LAMB1: variants seen among roughly 807,000 people sequenced by gnomAD.
LAMB1 encodes the protein laminin subunit beta 1.
In LAMB1, 121 loss-of-function variants were observed where a neutral mutation model predicts 222.3. The ratio of observed to expected loss-of-function variants is 0.54; its 90% confidence interval spans 0.47 to 0.63. LAMB1 has a LOEUF of 0.63. Among genes scored for constraint, LAMB1 ranks in the 30% least tolerant of loss-of-function variants. The pLI, the probability that LAMB1 is intolerant of heterozygous loss-of-function variation, is 0.00. For missense variants in LAMB1, 2,172 were observed against 2,240.8 expected (o/e 0.97, Z 0.62); for synonymous variants, 794 against 807.2 (o/e 0.98, Z 0.28).
At chr7:107,973,698 T>G (rs184822697) in intron 12 of LAMB1, among the ~76,000 whole-genome samples, 1 of 152,136 alleles carries the variant, frequency 6.6e-6, no homozygotes. Context: ...CAGGCTGGAG[T>G]GCAGTGGTGT....
chr7:107,960,561 G>T lies in LAMB1; in HGVS notation c.2198C>A (p.Thr733Asn). The T allele has an allele frequency of 6.2e-7, 1 of 1,614,146 alleles. No homozygotes were observed. Among genetic ancestry groups the T allele is most frequent in the Non-Finnish European group, 8.5e-7 (1 of 1,179,962 alleles). Residue 733 changes from threonine (T) to asparagine (N), a missense_variant, in exon 18 of 34, where the codon ACC (threonine) becomes AAC (asparagine). Coordinates refer to ENST00000222399, the MANE Select transcript of LAMB1 (RefSeq NM_002291.3). The part of the protein sequence containing the change: ...DGVVTNSAWE[T>N]FQRYRCLENS... ...CTCTAGACATCGGTATCTCTGAAAG[G>T]TTTCCCAGGCACTGTTGGTGACCAC...
At chr7:107,989,795 C>T (rs1202319044) in intron 5 of LAMB1, among the ~76,000 whole-genome samples, 1 of 152,192 alleles carries the variant, frequency 6.6e-6, no homozygotes, top group South Asian at 2.1e-4. Flanking sequence ...CCATTTCTGG[C>T]TGTGCTTCCT....
intron 25 of LAMB1, among the ~76,000 whole-genome samples, chr7:107,937,989 C>T (rs1310219240): frequency 6.6e-6 from 1 of 152,048 alleles, no homozygotes; most frequent in African/African-American, 2.4e-5. Context: ...TTATTGTGTA[C>T]ATAGTGTGGA....
At chr7:108,002,790 G>C in intron 2 of LAMB1, 59 bp downstream of exon 2, 1 of 1,611,434 alleles carries the variant, frequency 6.2e-7, no homozygotes, top group Non-Finnish European at 8.5e-7. Flanking sequence ...GCAGCTTTTG[G>C]GTTTTCCTTC....
intron 18 of LAMB1, 22 bp downstream of exon 18, chr7:107,960,423 G>A (rs2033472463): frequency 1.3e-6 from 2 of 1,592,030 alleles, no homozygotes; most frequent in Admixed American, 1.7e-5. Flanking sequence ...AGCAGCTGCT[G>A]CAGCTGCCCA....
chr7:107,954,939 C>A lies in LAMB1; in HGVS notation c.2854+528G>T, dbSNP rs183712295. 1.2e-3 allele frequency among the ~76,000 whole-genome samples: 184 copies of A among 151,900 alleles called. 2 individuals carry two copies. The highest frequency in any genetic ancestry group is 4.3e-3 in the African/African-American group (179 of 41,538). Reference sequence around the variant, plus strand: ...AAAATTTTACTGAGTTACATATAAACATAATCAGTATTTGTAACAGTGGCT... The same window carrying A: ...AAAATTTTACTGAGTTACATATAAAAATAATCAGTATTTGTAACAGTGGCT... On this transcript the variant is annotated intron_variant, in intron 21 of 33. Coordinates refer to ENST00000222399, the MANE Select transcript of LAMB1 (RefSeq NM_002291.3).
At chr7:107,949,970 AC>A (rs2033205509) in intron 24 of LAMB1, among the ~76,000 whole-genome samples, 1 of 152,208 alleles carries the variant, frequency 6.6e-6, no homozygotes, top group Non-Finnish European at 1.5e-5. Flanking sequence ...AGTGGCTCAC[AC>A]CTGTAATTCT....
At chr7:107,933,437 T>G (rs1272866633) in intron 27 of LAMB1, among the ~76,000 whole-genome samples, 3 of 152,226 alleles carry the variant, frequency 2.0e-5, no homozygotes, top group Non-Finnish European at 4.4e-5. Context: ...AAATAAGTCA[T>G]TTATCTGGCT....
chr7:107,934,688 A>C (rs1454593435), intron 27 of LAMB1, among the ~76,000 whole-genome samples: 1 of 152,206 alleles, frequency 6.6e-6, no homozygotes, highest in East Asian at 1.9e-4. Flanking sequence ...GCTCCCTTTA[A>C]TTTTTAATGG....
Position 108,003,109 on chromosome 7 carries a change from AC to A in LAMB1, c.-87+1del. On this transcript the variant is annotated splice_donor_variant, in intron 1 of 33. Transcript: ENST00000222399. LOFTEE classifies it low-confidence loss of function (5UTR_SPLICE). Reference sequence around the variant, plus strand: ...ATCGTGCAGCCACTTTGTTCTCCTCACCCGGCGACGCGAGCTCTCGCCCTGC... The same window carrying A: ...ATCGTGCAGCCACTTTGTTCTCCTCACCGGCGACGCGAGCTCTCGCCCTGC... 1 of 949,854 alleles carries A rather than the reference AC, an allele frequency of 1.1e-6. No homozygotes were observed. Among genetic ancestry groups the A allele is most frequent in the Non-Finnish European group, 1.5e-6 (1 of 673,336 alleles). The allele number at this position is 949,854 out of a possible 1,614,324, so 58.8% of individuals were successfully genotyped here.
chr7:107,955,755 C>T, intron 20 of LAMB1, 125 bp from the exon 21 acceptor site: 1 of 848,336 alleles, frequency 1.2e-6, no homozygotes, highest in Non-Finnish European at 1.7e-6. Context: ...TTCTTTGAGA[C>T]AGAATCTTGC....
chr7:107,980,213 A>G (rs2033945359), intron 8 of LAMB1, among the ~76,000 whole-genome samples: 1 of 152,048 alleles, frequency 6.6e-6, no homozygotes, highest in South Asian at 2.1e-4. Flanking sequence ...GTCTCAAGAA[A>G]AAAAAAAAAA....
intron 13 of LAMB1, among the ~76,000 whole-genome samples, chr7:107,966,186 C>T (rs532974054): frequency 1.3e-5 from 2 of 152,208 alleles, no homozygotes; most frequent in East Asian, 1.9e-4. Context: ...TGTTATCCTA[C>T]AGGAATAGGA....
At chr7:107,972,171 A>G (rs10046459) in intron 13 of LAMB1, among the ~76,000 whole-genome samples, 7,866 of 152,278 alleles carry the variant, frequency 0.052, 681 homozygotes, top group African/African-American at 0.18. Flanking sequence ...AAACCCAAAT[A>G]AAGAGGACAA....
intron 2 of LAMB1, chr7:108,002,358 C>T (rs993691633): frequency 1.2e-5 from 16 of 1,315,844 alleles, no homozygotes; most frequent in Non-Finnish European, 1.6e-5. Context: ...CTTCTCCATT[C>T]CAGGGAAGCG....
At chr7:107,942,017 AAG>A (rs2033000019) in intron 24 of LAMB1, 1 of 131,596 alleles carries the variant, frequency 7.6e-6, no homozygotes, top group Admixed American at 7.8e-5. Flanking sequence ...TTTTTTTTGG[AAG>A]AGTCTCACTC....
intron 15 of LAMB1, among the ~76,000 whole-genome samples, chr7:107,962,263 C>T (rs1269118793): frequency 6.6e-6 from 1 of 152,218 alleles, no homozygotes; most frequent in Non-Finnish European, 1.5e-5. Flanking sequence ...CCGTCACCTT[C>T]AGTCTTTCGT....
At chr7:107,993,423 C>T (rs531852720) in intron 5 of LAMB1, among the ~76,000 whole-genome samples, 55 of 152,294 alleles carry the variant, frequency 3.6e-4, no homozygotes, top group African/African-American at 1.2e-3. Context: ...TGTGAGCCAC[C>T]ACGCCTGGCC....
intron 13 of LAMB1, among the ~76,000 whole-genome samples, chr7:107,970,145 G>A (rs909402257): frequency 2.6e-5 from 4 of 152,124 alleles, no homozygotes; most frequent in Admixed American, 2.6e-4. Flanking sequence ...AAGAGATGCA[G>A]AAGCAATGCA....
Sources: gnomAD v4.1 joint callset for allele counts (sites outside exome capture counted in the v4.1 genomes callset) on GRCh38, gnomAD v4.1.1 for gene constraint, MANE v1.5 for transcripts, NCBI Gene and HGNC (gene_info 2026-07-23, HGNC 2026-07-21) for gene names.